The following OPCML variants were observed in gnomAD, a reference collection of about 807,000 sequenced individuals.
The protein encoded by OPCML is opioid-binding protein/cell adhesion molecule.
OPCML carries 13 observed loss-of-function variants against 37.8 expected under a neutral mutation model. The ratio of observed to expected loss-of-function variants is 0.34; its 90% CI spans 0.22 to 0.55. The LOEUF is 0.55. OPCML is among the 20% of genes least tolerant of loss of function. The pLI, the probability that OPCML is intolerant of heterozygous loss-of-function variation, is 0.91. For synonymous variants in OPCML, 176 were observed against 168.8 expected (o/e 1.04, Z -0.33); for missense variants, 341 against 435.6 (o/e 0.78, Z 1.93).
intron 2 of OPCML, among the ~76,000 whole-genome samples, chr11:132,935,394 T>C (rs550670689): frequency 6.6e-6 from 1 of 152,186 alleles, no homozygotes; most frequent in Non-Finnish European, 1.5e-5. Flanking sequence ...TCATTGCTGG[T>C]GTATAGCATT....
chr11:132,712,027 T>C (rs1417989316), intron 2 of OPCML, among the ~76,000 whole-genome samples: 3 of 152,204 alleles, frequency 2.0e-5, no homozygotes, highest in Non-Finnish European at 2.9e-5. Context: ...AAAGCTTCTA[T>C]TGTTTGTAAA....
chr11:133,041,394 C>T (rs1468377915), intron 1 of OPCML, among the ~76,000 whole-genome samples: 4 of 152,160 alleles, frequency 2.6e-5, no homozygotes, highest in African/African-American at 9.7e-5. Flanking sequence ...TGGGAGCTGC[C>T]TCTCAATGCA....
intron 3 of OPCML, among the ~76,000 whole-genome samples, chr11:132,584,323 C>G (rs1414934224): frequency 1.3e-5 from 2 of 152,006 alleles, no homozygotes; most frequent in Non-Finnish European, 2.9e-5. Flanking sequence ...AAAAGGAGAC[C>G]TAGATACAGG....
At chr11:133,462,998 T>C (rs550378680) in intron 1 of OPCML, among the ~76,000 whole-genome samples, 2 of 151,732 alleles carry the variant, frequency 1.3e-5, no homozygotes, top group Admixed American at 1.3e-4. Context: ...ATATTGTCCA[T>C]CCTTCAAAAG....
chr11:133,287,476 G>A (rs1437591604), intron 1 of OPCML, among the ~76,000 whole-genome samples: 2 of 147,104 alleles, frequency 1.4e-5, no homozygotes, highest in Admixed American at 1.4e-4. Flanking sequence ...TGAGGCTCAT[G>A]CCCACCAGAC....
chr11:132,523,339 C>T (rs535357370), intron 4 of OPCML, among the ~76,000 whole-genome samples: 42 of 152,316 alleles, frequency 2.8e-4, no homozygotes, highest in African/African-American at 9.4e-4. Context: ...CATTTATCAT[C>T]CTCATATATC....
chr11:133,227,899 A>G (rs1168918458), intron 1 of OPCML, among the ~76,000 whole-genome samples: 3 of 152,148 alleles, frequency 2.0e-5, no homozygotes, highest in African/African-American at 7.2e-5. Context: ...CCACATGCAA[A>G]AGGAAGTTGG....
chr11:133,138,405 C>T (rs10894654), intron 1 of OPCML, among the ~76,000 whole-genome samples: 98,770 of 152,052 alleles, frequency 0.65, 33,773 homozygotes, highest in East Asian at 0.76. Context: ...ATCAAGGTAA[C>T]CATATGGGGA....
At chr11:133,224,399 A>C (rs1939953572) in intron 1 of OPCML, among the ~76,000 whole-genome samples, 1 of 152,244 alleles carries the variant, frequency 6.6e-6, no homozygotes, top group Middle Eastern at 3.2e-3. Context: ...CGAAAAGGGC[A>C]GCTGGTGGGC....
chr11:132,620,675 GT>G (rs1265481875), intron 3 of OPCML, among the ~76,000 whole-genome samples: 1 of 152,202 alleles, frequency 6.6e-6, no homozygotes, highest in Admixed American at 6.5e-5. Context: ...CCTAGAGAGA[GT>G]GTATGCCTTG....
intron 2 of OPCML, among the ~76,000 whole-genome samples, chr11:132,789,043 C>T (rs565674074): frequency 1.2e-4 from 17 of 145,316 alleles, no homozygotes; most frequent in South Asian, 8.5e-4. Context: ...CATTCATCTA[C>T]GTGCACCCGA....
intron 1 of OPCML, among the ~76,000 whole-genome samples, chr11:133,433,615 C>T (rs1946172228): frequency 1.3e-5 from 2 of 152,186 alleles, no homozygotes; most frequent in African/African-American, 4.8e-5. Context: ...ATGGGAGCCA[C>T]ACAGGAGTCG....
At chr11:132,970,316 TA>T (rs904350682) in intron 1 of OPCML, among the ~76,000 whole-genome samples, 1 of 152,212 alleles carries the variant, frequency 6.6e-6, no homozygotes, top group Non-Finnish European at 1.5e-5. Flanking sequence ...ACCTCAAGTC[TA>T]ATTACCCTTT....
intron 1 of OPCML, among the ~76,000 whole-genome samples, chr11:133,168,820 C>T (rs905353556): frequency 2.0e-5 from 3 of 152,240 alleles, no homozygotes; most frequent in Middle Eastern, 3.4e-3. Context: ...TTGCCAGAAC[C>T]GCATGAGAAA....
chr11:132,513,178 T>G (rs2137193775), intron 4 of OPCML, among the ~76,000 whole-genome samples: 1 of 152,172 alleles, frequency 6.6e-6, no homozygotes, highest in East Asian at 1.9e-4. Context: ...GCCTATTTGG[T>G]TTATGTTAGA....
intron 3 of OPCML, among the ~76,000 whole-genome samples, chr11:132,570,802 T>TATATATAC (rs1591566397): frequency 1.2e-5 from 1 of 82,186 alleles, no homozygotes; most frequent in Non-Finnish European, 2.4e-5. Flanking sequence ...TATATATATA[T>TATATATAC]TTAGAGAGAG....
intron 2 of OPCML, among the ~76,000 whole-genome samples, chr11:132,740,034 G>C (rs569113874): frequency 1.3e-5 from 2 of 152,288 alleles, no homozygotes; most frequent in South Asian, 4.1e-4. Flanking sequence ...AATATAACTT[G>C]ATCAGTATTT....
At chr11:132,912,727 T>A (rs1362311722) in intron 2 of OPCML, among the ~76,000 whole-genome samples, 1 of 152,246 alleles carries the variant, frequency 6.6e-6, no homozygotes, top group Non-Finnish European at 1.5e-5. Flanking sequence ...GGTTGCTTTT[T>A]GTTTTTGTCT....
chr11:133,428,313 A>C (rs1202691700), intron 1 of OPCML, among the ~76,000 whole-genome samples: 1 of 152,174 alleles, frequency 6.6e-6, no homozygotes, highest in Non-Finnish European at 1.5e-5. Flanking sequence ...AGCAGCGTGA[A>C]CAAGGAGAGG....
Sources: gnomAD v4.1 joint callset for allele counts (sites outside exome capture counted in the v4.1 genomes callset) on GRCh38, gnomAD v4.1.1 for gene constraint, MANE v1.5 for transcripts, NCBI Gene and HGNC (gene_info 2026-07-23, HGNC 2026-07-21) for gene names.